The following ITPRID2 variants were observed in gnomAD, a reference collection of about 807,000 sequenced individuals.
The protein encoded by ITPRID2 is ITPR interacting domain containing 2, also known as protein ITPRID2.
A neutral mutation model predicts 124.3 loss-of-function variants in ITPRID2; 60 were observed. The ratio of observed to expected loss-of-function variants is 0.48; its 90% CI spans 0.39 to 0.60. The LOEUF (loss-of-function observed/expected upper bound fraction) is 0.60, where lower values mean the gene tolerates loss of function less well. Among genes scored for constraint, ITPRID2 ranks in the 20% least tolerant of loss-of-function variants. The pLI, the probability that ITPRID2 is intolerant of heterozygous loss-of-function variation, is 0.00. For missense variants in ITPRID2, 1,553 were observed against 1,512.2 expected, an observed-to-expected ratio of 1.03 and a Z score of -0.45; for synonymous variants, 521 against 542.9, an observed-to-expected ratio of 0.96 and a Z score of 0.56.
Position 181,916,175 on chromosome 2 carries a change from C to T in ITPRID2, c.2535C>T (p.Ser845=). The stretch of plus-strand genomic sequence containing the variant: ...CACCAATGTCTCAGTCTACCTGTTC[C>T]CTTCATTCCATCCACTCTGAGTGGC... The part of the protein sequence containing the change: ...APPPMSQSTC[S]LHSIHSEWQE... The change falls in exon 11 of 18, where the codon TCC becomes TCT. Residue 845 remains serine (S), a synonymous_variant. Coordinates refer to ENST00000431877, the MANE Select transcript of ITPRID2 (RefSeq NM_001130445.3). 2 of 1,614,192 alleles carry T rather than the reference C, an allele frequency of 1.2e-6. No homozygotes were observed. Among genetic ancestry groups the T allele is most frequent in the South Asian group, 2.2e-5 (2 of 91,080 alleles).
Position 181,899,026 on chromosome 2 carries a change from G to A in ITPRID2, c.417G>A (p.Leu139=). 2 of 1,610,518 alleles carry A rather than the reference G, an allele frequency of 1.2e-6. No homozygotes were observed. The highest frequency in any genetic ancestry group is 1.7e-6 in the Non-Finnish European group (2 of 1,178,750). ...DAQIENCNNI[L]AKERRLQFHQ... is the part of the protein sequence containing the mutation. Reference sequence around the variant, plus strand: ...ATTTTGTTCGTAGCAATAATATCTTGGCCAAAGAGAGAAGATTACAGTTTC... The same window carrying A: ...ATTTTGTTCGTAGCAATAATATCTTAGCCAAAGAGAGAAGATTACAGTTTC... The change falls in exon 6 of 18, where the codon TTG becomes TTA. Residue 139 remains leucine, a synonymous_variant. Transcript: ENST00000431877.
At chr2:181,915,162 TAGTG>T in intron 10 of ITPRID2, 50 bp from the exon 11 acceptor site, 3 of 1,551,576 alleles carry the variant, frequency 1.9e-6, no homozygotes, top group Non-Finnish European at 2.6e-6. Flanking sequence ...GGTATTTTGT[TAGTG>T]ACTCTTCTTA....
At chr2:181,917,088 T>C in intron 11 of ITPRID2, 2 of 907,068 alleles carry the variant, frequency 2.2e-6, no homozygotes, top group Non-Finnish European at 2.6e-6. Flanking sequence ...AGACTGGAAA[T>C]AATTTTCCCA....
At position 181,892,660 on chromosome 2, in the gene ITPRID2, G is replaced by T. The variant is rs748105692; in HGVS notation, c.257G>T (p.Arg86Leu). Residue 86 changes from arginine (R) to leucine (L), a missense_variant and splice_region_variant, in exon 2 of 18, where the codon CGT becomes CTT. Transcript: ENST00000431877. This position sits in a 1 kb window ranked among gnomAD's most constrained non-coding sequence, Gnocchi z 5.2. Reference sequence around the variant, plus strand: ...ATCGCGATATGGCTCAAGGACTGCCGGTGAGTGCTCCCTGGTCCGCCCGCG... The same window carrying T: ...ATCGCGATATGGCTCAAGGACTGCCTGTGAGTGCTCCCTGGTCCGCCCGCG... ...EKIAIWLKDC[R>L]TPLGASLDEQ... The T allele has an allele frequency of 6.2e-7, 1 of 1,614,042 alleles. No individual in the cohort carries two copies. Among genetic ancestry groups the T allele is most frequent in the Admixed American group, 1.7e-5 (1 of 60,026 alleles).
intron 4 of ITPRID2, among the ~76,000 whole-genome samples, chr2:181,898,659 T>C (rs1558980578): frequency 6.6e-6 from 1 of 152,120 alleles, no homozygotes; most frequent in Non-Finnish European, 1.5e-5. Context: ...GTTAGTTTCA[T>C]GTTGCCACAA....
intron 9 of ITPRID2, among the ~76,000 whole-genome samples, chr2:181,912,665 G>A (rs1693696053): frequency 6.6e-6 from 1 of 151,994 alleles, no homozygotes; most frequent in Non-Finnish European, 1.5e-5. Context: ...ACTTTATTTA[G>A]CCTTTTGCTT....
At position 181,901,769 on chromosome 2, in the gene ITPRID2, G is replaced by A. The variant is rs746954101; in HGVS notation, c.716G>A (p.Arg239His). The change falls in exon 8 of 18, where the codon CGT (arginine) becomes CAT (histidine). Residue 239 changes from arginine (R) to histidine (H), a missense_variant. Coordinates refer to ENST00000431877, the MANE Select transcript of ITPRID2 (RefSeq NM_001130445.3). ...VENPNYALTS[R>H]FRQIEVLTTV... is the part of the protein sequence containing the mutation. ...TTAATATTGTTTCTTTTGGTAGGCC[G>A]TTTTCGTCAAATTGAAGTGCTTACT... is the stretch of plus-strand genomic sequence containing the variant. 3.8e-6 allele frequency: 6 copies of A among 1,577,676 alleles called. No individual in the cohort carries two copies. The highest frequency in any genetic ancestry group is 3.6e-5 in the South Asian group (3 of 82,874).
chr2:181,897,580 G>A (rs1398803924), intron 4 of ITPRID2, among the ~76,000 whole-genome samples: 1 of 150,268 alleles, frequency 6.7e-6, no homozygotes, highest in East Asian at 1.9e-4. Flanking sequence ...AAGCTTTCTT[G>A]TACAAAAAAT....
At position 181,915,772 on chromosome 2, in the gene ITPRID2, G is replaced by T; in HGVS notation, c.2132G>T (p.Gly711Val). ...TGCAGTCTGTCTAATCAAAGGATGG[G>T]GCGTAGCCTGCTAAAATCAAAAGAT... ...KVCSLSNQRMGRSLLKSKDLL... is the reference protein window; with the variant it reads ...KVCSLSNQRMVRSLLKSKDLL... The change falls in exon 11 of 18, where the codon GGG becomes GTG. Residue 711 changes from glycine (G) to valine (V), a missense_variant. By Grantham distance (109) the Gly-to-Val change is moderately radical. Transcript: ENST00000431877. The T allele has an allele frequency of 6.2e-7, 1 of 1,614,098 alleles. No individual in the cohort carries two copies. The highest frequency in any genetic ancestry group is 8.5e-7 in the Non-Finnish European group (1 of 1,180,042).
At chr2:181,904,131 A>G (rs1321019889) in intron 8 of ITPRID2, among the ~76,000 whole-genome samples, 2 of 152,178 alleles carry the variant, frequency 1.3e-5, no homozygotes, top group African/African-American at 2.4e-5. Context: ...ATTTTTTAAG[A>G]TGCCATACAC....
chr2:181,898,992 T>C, intron 5 of ITPRID2, 22 bp from the exon 6 acceptor site: 1 of 1,600,358 alleles, frequency 6.2e-7, no homozygotes, highest in Non-Finnish European at 8.5e-7. Flanking sequence ...TAAAGTTTTA[T>C]ATAATCTGAT....
In ITPRID2 at chr2:181,902,393, C is replaced by T; in HGVS notation, c.1340C>T (p.Pro447Leu). 1.9e-6 allele frequency: 3 copies of T among 1,613,600 alleles called. No homozygotes were observed. The highest frequency in any genetic ancestry group is 2.5e-6 in the Non-Finnish European group (3 of 1,179,824). ...SVHISTPEKE[P>L]CAPLTIPSIR... is the part of the protein sequence containing the mutation. Reference sequence around the variant, plus strand: ...CATATATCCACACCTGAAAAAGAGCCTTGTGCACCACTGACAATACCATCC... The same window carrying T: ...CATATATCCACACCTGAAAAAGAGCTTTGTGCACCACTGACAATACCATCC... The change falls in exon 8 of 18, where the codon CCT becomes CTT. Residue 447 changes from proline to leucine, a missense_variant. Coordinates refer to ENST00000431877, the MANE Select transcript of ITPRID2 (RefSeq NM_001130445.3). This position sits in a 1 kb window ranked among gnomAD's most constrained non-coding sequence, Gnocchi z 4.4.
intron 14 of ITPRID2, among the ~76,000 whole-genome samples, chr2:181,920,345 G>A (rs993465394): frequency 1.3e-5 from 2 of 152,156 alleles, no homozygotes; most frequent in African/African-American, 2.4e-5. Flanking sequence ...GTATGTTGGT[G>A]ACGGGAGAAC....
intron 11 of ITPRID2, chr2:181,916,990 G>A: frequency 1.0e-6 from 1 of 985,746 alleles, no homozygotes; most frequent in Non-Finnish European, 1.2e-6. Flanking sequence ...CTCCAGACCA[G>A]AAAATAACAA....
At position 181,915,409 on chromosome 2, in the gene ITPRID2, A is replaced by G; in HGVS notation, c.1769A>G (p.Lys590Arg). The G allele has an allele frequency of 6.2e-7, 1 of 1,614,158 alleles. No homozygotes were observed. The highest frequency in any genetic ancestry group is 8.5e-7 in the Non-Finnish European group (1 of 1,180,024). ...GCAGCAGCAGTTGCAGACAAAAGAA[A>G]ATCAGGTAGCCAGGATTTCCCTCAG... ...EKAAAVADKR[K>R]SGSQDFPQCN... Residue 590 changes from lysine to arginine, a missense_variant, in exon 11 of 18, where the codon AAA (lysine) becomes AGA (arginine). Physicochemically the swap from Lys to Arg is conservative, Grantham distance 26. Transcript: ENST00000431877.
rs929355748 is a variant in ITPRID2, at chr2:181,907,143, C to T, written c.1414-2756C>T. ...AGTTAGAACATCCATGTATTGCTGT[C>T]CTGTGCAATACAATACAGTAGTATT... On this transcript the variant is annotated intron_variant, in intron 8 of 17. Transcript: ENST00000431877. This position sits in a 1 kb window ranked among gnomAD's most constrained non-coding sequence, Gnocchi z 5.1. Among the ~76,000 whole-genome samples, 2 of 152,154 alleles carry T rather than the reference C, an allele frequency of 1.3e-5. No homozygotes were observed. Among genetic ancestry groups the T allele is most frequent in the African/African-American group, 4.8e-5 (2 of 41,434 alleles).
At chr2:181,914,026 A>C in intron 10 of ITPRID2, 93 bp downstream of exon 10, 1 of 765,658 alleles carries the variant, frequency 1.3e-6, no homozygotes, top group South Asian at 1.9e-5. Flanking sequence ...GAGTCTGTAT[A>C]ATCTTTATTT....
rs767541170 is a variant in ITPRID2, at chr2:181,915,376, T to G, written c.1736T>G (p.Leu579Arg). 3.1e-6 allele frequency: 5 copies of G among 1,614,108 alleles called. No homozygotes were observed. The highest frequency in any genetic ancestry group is 1.6e-4 in the Middle Eastern group (1 of 6,062). ...EESLVPLQKG[L>R]EKAAAVADKR... The stretch of plus-strand genomic sequence containing the variant: ...TCTCTTGTCCCTCTTCAGAAGGGAC[T>G]AGAGAAGGCAGCAGCAGTTGCAGAC... Residue 579 changes from leucine to arginine, a missense_variant, in exon 11 of 18, where the codon CTA becomes CGA. Leu to Arg is a moderately radical substitution (Grantham distance 102). Transcript: ENST00000431877.
intron 16 of ITPRID2, among the ~76,000 whole-genome samples, chr2:181,923,392 TTCATATCTGTA>T (rs1431564926): frequency 1.4e-4 from 21 of 152,222 alleles, no homozygotes; most frequent in African/African-American, 5.1e-4. Flanking sequence ...AGCAGAAGAC[TTCATATCTGTA>T]ATTTATTTTC....
Sources: gnomAD v4.1 joint callset for allele counts (sites outside exome capture counted in the v4.1 genomes callset) on GRCh38, gnomAD v4.1.1 for gene constraint, Gnocchi (gnomAD v3.1) non-coding constraint, MANE v1.5 for transcripts, NCBI Gene and HGNC (gene_info 2026-07-23, HGNC 2026-07-21) for gene names.